The following WDR20 variants were observed in gnomAD, a reference collection of about 807,000 sequenced individuals.
The protein encoded by WDR20 is WD repeat-containing protein 20.
WDR20 carries 3 observed loss-of-function variants against 38.7 expected under a neutral mutation model. That is an observed-to-expected ratio of 0.08 (90% CI 0.04 to 0.20). The LOEUF is 0.20. Ranked by LOEUF, WDR20 falls within the 10% of genes least tolerant of loss-of-function variation. The pLI is 1.00. For synonymous variants in WDR20, 298 were observed against 285.6 expected (o/e 1.04, Z -0.44); for missense variants, 559 against 727.7 (o/e 0.77, Z 2.67).
chr14:102,182,800 A>G (rs2063671960), intron 1 of WDR20, among the ~76,000 whole-genome samples: 1 of 152,096 alleles, frequency 6.6e-6, no homozygotes, highest in Non-Finnish European at 1.5e-5. Flanking sequence ...ATTTTGGTGA[A>G]TATCTTTTCA....
chr14:102,223,115 A>T, exon 4 of WDR20: 1 of 430,290 alleles, frequency 2.3e-6, no homozygotes, highest in Non-Finnish European at 4.1e-6. Flanking sequence ...AAAAAATAAG[A>T]AATGGAGTTT....
At position 102,187,887 on chromosome 14, in the gene WDR20, TAG is replaced by T. The variant is rs532409625; in HGVS notation, c.250-7046_250-7045del. Among the ~76,000 whole-genome samples the T allele has an allele frequency of 1.6e-4, 24 of 152,118 alleles. No homozygotes were observed. In the East Asian group the frequency reaches 4.5e-3, roughly 28 times the overall value. On this transcript the variant is annotated intron_variant, in intron 1 of 2. Coordinates refer to ENST00000342702, the MANE Select transcript of WDR20 (RefSeq NM_144574.4). ...GGATGGGAGGAGTGGACTTAGGAGG[TAG>T]AGAGTGCTTTGGGTGTAGGCCAGGT...
chr14:102,156,544 CTT>C (rs2057435551), intron 1 of WDR20, among the ~76,000 whole-genome samples: 1 of 151,900 alleles, frequency 6.6e-6, no homozygotes, highest in Admixed American at 6.6e-5. Flanking sequence ...TACAACTGTA[CTT>C]TAATGTAGAA....
At chr14:102,140,207 G>T in intron 1 of WDR20, 35 bp downstream of exon 1, 1 of 1,605,132 alleles carries the variant, frequency 6.2e-7, no homozygotes, top group Non-Finnish European at 8.5e-7. Flanking sequence ...CCAGCCAGCG[G>T]CGTAGGCAGA....
chr14:102,172,652 C>T (rs1481695177), intron 1 of WDR20, among the ~76,000 whole-genome samples: 11 of 144,296 alleles, frequency 7.6e-5, no homozygotes, highest in East Asian at 6.0e-4. Context: ...GGCGGCTGGC[C>T]GGGCAGGGGG....
At position 102,222,475 on chromosome 14, in the gene WDR20, G is replaced by A. The variant is rs1472652424; in HGVS notation, c.1693-355G>A. ...CCTGGGCTCAACCCTGGCTGAAGGC[G>A]CTGAACACCTCCCACGAGGCACCTG... is the stretch of plus-strand genomic sequence containing the variant. On this transcript the variant is annotated intron_variant, in intron 3 of 3. Transcript: ENST00000335263. This position sits in a 1 kb window ranked among gnomAD's most constrained non-coding sequence, Gnocchi z 4.4. Among the ~76,000 whole-genome samples, 3 of 152,190 alleles carry A rather than the reference G, an allele frequency of 2.0e-5. No individual in the cohort carries two copies. Among genetic ancestry groups the A allele is most frequent in the Non-Finnish European group, 2.9e-5 (2 of 68,038 alleles).
At chr14:102,181,788 C>T (rs1300513937) in intron 1 of WDR20, among the ~76,000 whole-genome samples, 1 of 151,890 alleles carries the variant, frequency 6.6e-6, no homozygotes, top group Non-Finnish European at 1.5e-5. Flanking sequence ...ATAGCCATAG[C>T]ATATGTGGAA....
At chr14:102,219,434 A>G (rs2063626833), downstream of WDR20, among the ~76,000 whole-genome samples, 2 of 152,194 alleles carry the variant, frequency 1.3e-5, no homozygotes, top group African/African-American at 4.8e-5. Context: ...CATGCCTGGC[A>G]CTGATGCCAA....
chr14:102,213,585 A>G (rs1387123665), downstream of WDR20: 6 of 985,462 alleles, frequency 6.1e-6, no homozygotes, highest in East Asian at 6.8e-4. Flanking sequence ...TTTTAGGGGC[A>G]AGGACACCGT....
chr14:102,149,950 C>T (rs1465691925), intron 1 of WDR20, among the ~76,000 whole-genome samples: 3 of 152,188 alleles, frequency 2.0e-5, no homozygotes, highest in African/African-American at 7.2e-5. Flanking sequence ...GCCTTGGCCT[C>T]CCAAAGTGCT....
rs781026564 is a variant in WDR20, at chr14:102,140,075, C to G, written c.152C>G (p.Ser51Cys). 7 of 1,614,216 alleles carry G rather than the reference C, an allele frequency of 4.3e-6. No individual in the cohort carries two copies. The highest frequency in any genetic ancestry group is 3.3e-5 in the South Asian group (3 of 91,090). Reference sequence around the variant, plus strand: ...CAGGGATCCAACCCTGTCCGCGTCTCCTTCGTAAACCTCAACGACCAGTCT... The same window carrying G: ...CAGGGATCCAACCCTGTCCGCGTCTGCTTCGTAAACCTCAACGACCAGTCT... ...NSQGSNPVRV[S>C]FVNLNDQSGN... The change falls in exon 1 of 3, where the codon TCC becomes TGC. Residue 51 changes from serine (S) to cysteine (C), a missense_variant. Physicochemically the swap from Ser to Cys is moderately radical, Grantham distance 112 (BLOSUM62 -1). Transcript: ENST00000342702.
chr14:102,195,981 A>C (rs924249290), intron 2 of WDR20: 2 of 152,228 alleles, frequency 1.3e-5, no homozygotes, highest in Non-Finnish European at 2.9e-5. Flanking sequence ...GGGTCAGGCT[A>C]TGTGGGACCC....
chr14:102,185,379 A>AT (rs2064385494), intron 1 of WDR20, among the ~76,000 whole-genome samples: 1 of 152,152 alleles, frequency 6.6e-6, no homozygotes, highest in African/African-American at 2.4e-5. Flanking sequence ...AGGCTGGAAT[A>AT]TTTGAGTCCC....
At chr14:102,198,933 T>A (rs1167465061) in intron 2 of WDR20, among the ~76,000 whole-genome samples, 3 of 152,078 alleles carry the variant, frequency 2.0e-5, no homozygotes, top group African/African-American at 7.2e-5. Flanking sequence ...GATGTATGGA[T>A]CTGGAGCACA....
intron 2 of WDR20, among the ~76,000 whole-genome samples, chr14:102,201,693 G>A (rs908715576): frequency 2.0e-5 from 3 of 152,204 alleles, no homozygotes; most frequent in African/African-American, 7.2e-5. Flanking sequence ...GTGTCTTGAC[G>A]TACATAGAAA....
At position 102,140,095 on chromosome 14, in the gene WDR20, C is replaced by G. The variant is rs771983268; in HGVS notation, c.172C>G (p.Gln58Glu). The G allele has an allele frequency of 1.2e-6, 2 of 1,614,188 alleles. No homozygotes were observed. Among genetic ancestry groups the G allele is most frequent in the Non-Finnish European group, 1.7e-6 (2 of 1,180,034 alleles). The change falls in exon 1 of 3, where the codon CAG becomes GAG. Residue 58 changes from glutamine (Q) to glutamate (E), a missense_variant. Coordinates refer to ENST00000342702, the MANE Select transcript of WDR20 (RefSeq NM_144574.4). Reference sequence around the variant, plus strand: ...CGTCTCCTTCGTAAACCTCAACGACCAGTCTGGCAACGGCGACCGCCTCTG... The same window carrying G: ...CGTCTCCTTCGTAAACCTCAACGACGAGTCTGGCAACGGCGACCGCCTCTG... ...VRVSFVNLND[Q>E]SGNGDRLCFN...
At chr14:102,155,733 A>G (rs543783389) in intron 1 of WDR20, among the ~76,000 whole-genome samples, 1 of 152,168 alleles carries the variant, frequency 6.6e-6, no homozygotes, top group Admixed American at 6.6e-5. Context: ...TAGACATCAC[A>G]ATAATAATGG....
upstream of WDR20, chr14:102,139,436 G>C: frequency 6.6e-7 from 1 of 1,510,030 alleles, no homozygotes; most frequent in Non-Finnish European, 8.9e-7. Context: ...CCGCGTGCTG[G>C]CTCCGAAGCG....
chr14:102,206,276 C>T (rs917442966), intron 2 of WDR20, among the ~76,000 whole-genome samples: 13 of 152,304 alleles, frequency 8.5e-5, no homozygotes, highest in Admixed American at 2.6e-4. Context: ...CGTGAGCCGC[C>T]GCGCCTGGCC....
Sources: gnomAD v4.1 joint callset for allele counts (sites outside exome capture counted in the v4.1 genomes callset) on GRCh38, gnomAD v4.1.1 for gene constraint, Gnocchi (gnomAD v3.1) non-coding constraint, MANE v1.5 for transcripts, NCBI Gene and HGNC (gene_info 2026-07-23, HGNC 2026-07-21) for gene names.